CAMK2D: variants seen among roughly 807,000 people sequenced by gnomAD.
CAMK2D encodes the protein calcium/calmodulin dependent protein kinase II delta, also known as calcium/calmodulin-dependent protein kinase type II subunit delta.
CAMK2D carries 37 observed loss-of-function variants against 84.0 expected under a neutral mutation model. That is an observed-to-expected ratio of 0.44 (90% CI 0.34 to 0.58). CAMK2D has a LOEUF of 0.58. Ranked by LOEUF, CAMK2D falls within the 20% of genes least tolerant of loss-of-function variation. The pLI is 0.02. For missense variants in CAMK2D, 448 were observed against 652.5 expected (o/e 0.69, Z 3.41); for synonymous variants, 202 against 212.5 (o/e 0.95, Z 0.43).
intron 2 of CAMK2D, among the ~76,000 whole-genome samples, chr4:113,751,901 T>C (rs1377960418): frequency 1.3e-5 from 2 of 152,032 alleles, no homozygotes; most frequent in Non-Finnish European, 2.9e-5. Flanking sequence ...TATACTAATA[T>C]ATGAGAAGTA....
intron 2 of CAMK2D, among the ~76,000 whole-genome samples, chr4:113,705,137 G>A (rs1347945208): frequency 4.1e-5 from 6 of 146,960 alleles, no homozygotes; most frequent in East Asian, 2.0e-4. Context: ...CTAACATGGT[G>A]AAACCCTATC....
Position 113,492,057 on chromosome 4 carries a change from G to T in CAMK2D, c.1135+8406C>A, listed in dbSNP as rs538628643. On this transcript the variant is annotated intron_variant, in intron 16 of 20. Transcript: ENST00000511664. ...TTTTTTCTTTATTAGTCTTCCTAGC[G>T]GTCTATCAATTTTGTTGATCCTTTC... is the stretch of plus-strand genomic sequence containing the variant. 7.2e-5 allele frequency among the ~76,000 whole-genome samples: 11 copies of T among 151,882 alleles called. No homozygotes were observed. In the South Asian group the frequency reaches 2.3e-3, roughly 32 times the overall value.
intron 4 of CAMK2D, among the ~76,000 whole-genome samples, chr4:113,577,584 G>A (rs1001728217): frequency 9.9e-5 from 15 of 151,974 alleles, no homozygotes; most frequent in Admixed American, 9.8e-4. Flanking sequence ...ATGTTAGCTT[G>A]GCCCTCGATT....
chr4:113,499,909 T>C (rs1397360763), intron 16 of CAMK2D, among the ~76,000 whole-genome samples: 1 of 152,094 alleles, frequency 6.6e-6, no homozygotes, highest in South Asian at 2.1e-4. Context: ...ACACTACCAA[T>C]GACTCATACA....
chr4:113,520,987 T>A (rs573768526), intron 8 of CAMK2D, among the ~76,000 whole-genome samples: 26 of 150,298 alleles, frequency 1.7e-4, no homozygotes, highest in Admixed American at 5.3e-4. Flanking sequence ...CATGATCACA[T>A]CACTGCATTC....
chr4:113,531,825 T>C (rs2098460338), intron 7 of CAMK2D, among the ~76,000 whole-genome samples: 1 of 152,168 alleles, frequency 6.6e-6, no homozygotes, highest in African/African-American at 2.4e-5. Context: ...AGGGATGTGG[T>C]AAGAAAAACT....
intron 4 of CAMK2D, among the ~76,000 whole-genome samples, chr4:113,561,150 C>T (rs889556598): frequency 2.6e-5 from 4 of 152,168 alleles, no homozygotes; most frequent in Non-Finnish European, 5.9e-5. Flanking sequence ...ACTTTCCTCT[C>T]ATTCCTCACA....
intron 3 of CAMK2D, among the ~76,000 whole-genome samples, chr4:113,647,656 C>T (rs2099157194): frequency 6.6e-6 from 1 of 152,212 alleles, no homozygotes; most frequent in Non-Finnish European, 1.5e-5. Flanking sequence ...TCAAATGTCT[C>T]CGGAAGGAAG....
At chr4:113,747,319 T>TTTTA (rs1554093408) in intron 2 of CAMK2D, among the ~76,000 whole-genome samples, 69 of 147,340 alleles carry the variant, frequency 4.7e-4, no homozygotes, top group East Asian at 1.8e-3. Context: ...TTTTTTTTTT[T>TTTTA]AAATTCAATA....
intron 5 of CAMK2D, among the ~76,000 whole-genome samples, chr4:113,548,263 A>G (rs1446881194): frequency 6.6e-6 from 1 of 152,176 alleles, no homozygotes; most frequent in Non-Finnish European, 1.5e-5. Flanking sequence ...GCAATGCGTA[A>G]CCAGTTGTTC....
At chr4:113,511,900 G>A (rs1006479910) in intron 12 of CAMK2D, among the ~76,000 whole-genome samples, 2 of 152,162 alleles carry the variant, frequency 1.3e-5, no homozygotes, top group African/African-American at 4.8e-5. Flanking sequence ...CAAAGGTGGG[G>A]AGAAAGGTGA....
intron 7 of CAMK2D, 95 bp downstream of exon 7, chr4:113,537,242 TGAAG>T: frequency 1.6e-6 from 1 of 632,830 alleles, no homozygotes; most frequent in Non-Finnish European, 2.8e-6. Flanking sequence ...GTTATTAGGA[TGAAG>T]TTTTCCATTT....
At chr4:113,683,066 C>T (rs1302178215) in intron 2 of CAMK2D, among the ~76,000 whole-genome samples, 1 of 152,158 alleles carries the variant, frequency 6.6e-6, no homozygotes, top group Non-Finnish European at 1.5e-5. Context: ...CATCTGAAAA[C>T]TGCCTTTCTA....
intron 4 of CAMK2D, among the ~76,000 whole-genome samples, chr4:113,603,496 C>G (rs1443590719): frequency 6.7e-6 from 1 of 149,616 alleles, no homozygotes; most frequent in Non-Finnish European, 1.5e-5. Context: ...AACAAAAAAC[C>G]AAACACCGCA....
intron 17 of CAMK2D, among the ~76,000 whole-genome samples, chr4:113,463,406 C>T (rs1406458398): frequency 6.6e-6 from 1 of 152,028 alleles, no homozygotes; most frequent in African/African-American, 2.4e-5. Flanking sequence ...GAAAGAGTTT[C>T]ACTCTTGTTG....
intron 3 of CAMK2D, among the ~76,000 whole-genome samples, chr4:113,613,411 T>G (rs1244703261): frequency 2.0e-5 from 3 of 152,072 alleles, no homozygotes; most frequent in African/African-American, 7.2e-5. Context: ...ATGAACTGGT[T>G]TGTCAGGGTA....
chr4:113,701,968 T>C (rs939015458), intron 2 of CAMK2D, among the ~76,000 whole-genome samples: 3 of 152,178 alleles, frequency 2.0e-5, no homozygotes, highest in African/African-American at 7.2e-5. Context: ...CCCAAAGTGG[T>C]GACACTATAG....
chr4:113,522,994 C>A (rs575619546), intron 8 of CAMK2D, among the ~76,000 whole-genome samples: 1 of 152,150 alleles, frequency 6.6e-6, no homozygotes, highest in Non-Finnish European at 1.5e-5. Flanking sequence ...ACAGGAACAG[C>A]ACCCTTTTAA....
At chr4:113,663,714 T>TTA (rs1343238455) in intron 2 of CAMK2D, among the ~76,000 whole-genome samples, 1 of 150,948 alleles carries the variant, frequency 6.6e-6, no homozygotes, top group Non-Finnish European at 1.5e-5. Context: ...TGTGATTTTT[T>TTA]TATATATATA....
Sources: allele counts gnomAD v4.1 joint callset (sites outside exome capture counted in the v4.1 genomes callset), GRCh38; gene constraint gnomAD v4.1.1; transcripts MANE v1.5; gene names NCBI Gene and HGNC (gene_info 2026-07-23, HGNC 2026-07-21).